MAP3K1: variants seen among roughly 807,000 people sequenced by gnomAD.
MAP3K1 encodes mitogen-activated protein kinase kinase kinase 1.
A neutral mutation model predicts 144.2 loss-of-function variants in MAP3K1; 36 were observed. The observed-to-expected ratio is 0.25, with a 90% CI of 0.19 to 0.33. MAP3K1 has a LOEUF of 0.33. Ranked by LOEUF, MAP3K1 falls within the 10% of genes least tolerant of loss-of-function variation. The pLI is 1.00. For missense variants in MAP3K1, 1,650 were observed against 1,881.9 expected (o/e 0.88, Z 2.28); for synonymous variants, 718 against 688.7 (o/e 1.04, Z -0.67).
rs562373842 is a variant in MAP3K1 at position 56,847,482 on chromosome 5, A to G, written c.483-9118A>G. Among the ~76,000 whole-genome samples the G allele has an allele frequency of 3.3e-5, 5 of 152,334 alleles. No individual in the cohort carries two copies. In the South Asian group the frequency reaches 1.0e-3, roughly 32 times the overall value. ...CGTTGTGTTGGGCGTCTGTAATCCC[A>G]GCTACTAGGGAGGCGAGGCTGCAGA... is the stretch of plus-strand genomic sequence containing the variant. On this transcript the variant is annotated intron_variant, in intron 1 of 19. Transcript: ENST00000399503.
intron 3 of MAP3K1, among the ~76,000 whole-genome samples, chr5:56,861,220 CACATT>C (rs1233076733): frequency 6.6e-6 from 1 of 152,072 alleles, no homozygotes; most frequent in Non-Finnish European, 1.5e-5. Context: ...TTTCAGATTC[CACATT>C]ACAACTGCCT....
rs540344102 is a variant in MAP3K1 at position 56,820,690 on chromosome 5, C to G, written c.482+4635C>G. The G allele has an allele frequency of 7.6e-5, 75 of 985,278 alleles. No individual in the cohort carries two copies. In the African/African-American group the frequency reaches 1.1e-3, roughly 14 times the overall value. 61.0% of individuals were successfully genotyped at this position (985,278 alleles called of 1,614,324 possible). ...AATCACACAGGAAGAGAAACTTTTA[C>G]TATTGCTAGACCCTACCCCTTTGTT... On this transcript the variant is annotated intron_variant, in intron 1 of 19. Transcript: ENST00000399503.
chr5:56,815,722 G>A lies in MAP3K1; in HGVS notation c.149G>A (p.Gly50Glu), dbSNP rs1224947603. 1.5e-6 allele frequency: 2 copies of A among 1,334,632 alleles called. No homozygotes were observed. The highest frequency in any genetic ancestry group is 3.0e-5 in the Admixed American group (1 of 33,520). The allele number at this position is 1,334,632 out of a possible 1,614,324, so 82.7% of individuals were successfully genotyped here. Reference protein sequence around the residue: ...AAGLLREAGSGGRERADWRRR... With the variant: ...AAGLLREAGSEGRERADWRRR... ...GGACTGCTGCGGGAGGCGGGCAGCG[G>A]GGGCCGCGAGCGGGCGGACTGGCGG... The change falls in exon 1 of 20, where the codon GGG (glycine) becomes GAG (glutamate). Residue 50 changes from glycine (G) to glutamate (E), a missense_variant. By Grantham distance (98) the Gly-to-Glu change is moderately conservative. Around this residue, in one of 6 missense-constraint regions of MAP3K1, gnomAD observed 360 missense variants for 274.7 expected, o/e 1.31. Transcript: ENST00000399503.
chr5:56,886,671 C>A (rs1748387231), intron 17 of MAP3K1, among the ~76,000 whole-genome samples: 1 of 152,172 alleles, frequency 6.6e-6, no homozygotes, highest in African/African-American at 2.4e-5. Context: ...GTTCCTTTTC[C>A]TGGTTTTATT....
In MAP3K1 at chr5:56,882,874, T is replaced by C. The variant is rs1748268003; in HGVS notation, c.3666+8T>C. On this transcript the variant is annotated splice_region_variant and intron_variant, in intron 14 of 19. Coordinates refer to ENST00000399503, the MANE Select transcript of MAP3K1 (RefSeq NM_005921.2). ...ATCATTATTCAACAGGATGTAAGTATAGATTCTTTAAGAGGTTAGAAAACT... is the reference window on the plus strand; with the variant it reads ...ATCATTATTCAACAGGATGTAAGTACAGATTCTTTAAGAGGTTAGAAAACT... 7 of 1,601,490 alleles carry C rather than the reference T, an allele frequency of 4.4e-6. No individual in the cohort carries two copies. Among genetic ancestry groups the C allele is most frequent in the Admixed American group, 1.7e-5 (1 of 59,934 alleles).
chr5:56,854,357 T>G lies in MAP3K1; in HGVS notation c.483-2243T>G, dbSNP rs370180104. On this transcript the variant is annotated intron_variant, in intron 1 of 19. Transcript: ENST00000399503. The stretch of plus-strand genomic sequence containing the variant: ...CTGAGGCAGGAGAATCACTTGAACC[T>G]GGGAGGCGGAGGTTGCCAGTGAGCC... Among the ~76,000 whole-genome samples the G allele has an allele frequency of 2.9e-3, 385 of 131,872 alleles. 3 individuals carry two copies. The highest frequency in any genetic ancestry group is 4.0e-3 in the South Asian group (17 of 4,198). The allele number at this position is 131,872 out of a possible 152,430, so 86.5% of individuals were successfully genotyped here. A position where few individuals can be genotyped will look rare whatever the true frequency, so the allele number is the denominator to read the frequency against.
intron 12 of MAP3K1, 77 bp from the exon 13 acceptor site, chr5:56,881,006 C>T: frequency 7.8e-7 from 1 of 1,288,368 alleles, no homozygotes; most frequent in Non-Finnish European, 1.1e-6. Flanking sequence ...GTTGGCCTTA[C>T]ACCATTTAAT....
chr5:56,822,698 T>C (rs1156798071), intron 1 of MAP3K1, among the ~76,000 whole-genome samples: 1 of 152,156 alleles, frequency 6.6e-6, no homozygotes, highest in Non-Finnish European at 1.5e-5. Context: ...CATTTACAAA[T>C]GATTGCAGAG....
chr5:56,816,751 C>T (rs938271408), intron 1 of MAP3K1, among the ~76,000 whole-genome samples: 3 of 152,218 alleles, frequency 2.0e-5, no homozygotes, highest in Non-Finnish European at 2.9e-5. Flanking sequence ...CGGAGGCTTG[C>T]AGTCTTTTAG....
At chr5:56,857,924 G>C (rs1225714527) in intron 2 of MAP3K1, among the ~76,000 whole-genome samples, 2 of 152,150 alleles carry the variant, frequency 1.3e-5, no homozygotes, top group African/African-American at 4.8e-5. Flanking sequence ...TTCCATACCA[G>C]CACTTGGTAA....
intron 1 of MAP3K1, among the ~76,000 whole-genome samples, chr5:56,832,455 C>G (rs1274646405): frequency 6.6e-6 from 1 of 152,064 alleles, no homozygotes; most frequent in Non-Finnish European, 1.5e-5. Flanking sequence ...ACACTGGATG[C>G]CTTATATAAA....
chr5:56,851,696 G>C (rs1200055221), intron 1 of MAP3K1, among the ~76,000 whole-genome samples: 1 of 152,194 alleles, frequency 6.6e-6, no homozygotes, highest in Non-Finnish European at 1.5e-5. Flanking sequence ...GCTGACTCAG[G>C]CGTACAATAC....
At chr5:56,887,784 T>C (rs1002539374) in intron 18 of MAP3K1, 15 of 493,338 alleles carry the variant, frequency 3.0e-5, no homozygotes, top group Non-Finnish European at 5.1e-5. Context: ...AGCAGTTGTT[T>C]TGTAATAAAC....
chr5:56,874,262 A>T (rs1747947240), intron 9 of MAP3K1, among the ~76,000 whole-genome samples: 1 of 152,200 alleles, frequency 6.6e-6, no homozygotes, highest in Non-Finnish European at 1.5e-5. Context: ...TTTTTCACAT[A>T]ATGAATTATC....
chr5:56,842,899 T>C (rs937655117), intron 1 of MAP3K1, among the ~76,000 whole-genome samples: 12 of 152,196 alleles, frequency 7.9e-5, no homozygotes, highest in African/African-American at 2.9e-4. Flanking sequence ...TCAGAGCTTA[T>C]ATCTTAACCC....
intron 18 of MAP3K1, 114 bp downstream of exon 18, chr5:56,887,634 G>A (rs558746152): frequency 2.7e-5 from 31 of 1,131,152 alleles, no homozygotes; most frequent in Middle Eastern, 2.0e-4. Flanking sequence ...CTAGAAGTCC[G>A]TGGCCCTTAA....
chr5:56,816,471 G>T (rs1188420707), intron 1 of MAP3K1, among the ~76,000 whole-genome samples: 2 of 152,070 alleles, frequency 1.3e-5, no homozygotes, highest in Non-Finnish European at 2.9e-5. Flanking sequence ...GGCGAGGCCC[G>T]AGCCTGAGGC....
chr5:56,853,068 T>C (rs1747224815), intron 1 of MAP3K1, among the ~76,000 whole-genome samples: 1 of 152,216 alleles, frequency 6.6e-6, no homozygotes, highest in African/African-American at 2.4e-5. Flanking sequence ...ATGTGATTTA[T>C]TCGTGGCAAA....
intron 1 of MAP3K1, among the ~76,000 whole-genome samples, chr5:56,850,943 TTTTG>T (rs1057102463): frequency 2.0e-5 from 3 of 152,142 alleles, no homozygotes; most frequent in Non-Finnish European, 2.9e-5. Flanking sequence ...GTAGGATTCT[TTTTG>T]TTTGTTTATT....
Sources: allele counts gnomAD v4.1 joint callset (sites outside exome capture counted in the v4.1 genomes callset), GRCh38; gene constraint gnomAD v4.1.1; regional missense constraint gnomAD v4.1.1; transcripts MANE v1.5; gene names NCBI Gene and HGNC (gene_info 2026-07-23, HGNC 2026-07-21).